SEMA5A: variants seen among roughly 807,000 people sequenced by gnomAD.
The protein encoded by SEMA5A is semaphorin 5A, also known as semaphorin-5A.
Under a neutral mutation model 135.5 loss-of-function variants are expected in SEMA5A, and 55 were observed. The ratio of observed to expected loss-of-function variants is 0.41; its 90% CI spans 0.33 to 0.51. SEMA5A has a LOEUF of 0.51. SEMA5A is among the 20% of genes least tolerant of loss of function. SEMA5A has a pLI of 0.37. For missense variants in SEMA5A, 1,290 were observed against 1,419.9 expected (o/e 0.91, Z 1.47); for synonymous variants, 580 against 546.5 (o/e 1.06, Z -0.85).
chr5:9,136,232 A>G (rs1741735237), intron 13 of SEMA5A, among the ~76,000 whole-genome samples: 1 of 152,118 alleles, frequency 6.6e-6, no homozygotes, highest in Admixed American at 6.5e-5. Context: ...AAAAAAATCC[A>G]AGAATAAAAC....
Position 9,036,119 on chromosome 5 carries a change from A to G in SEMA5A, c.*6778T>C, listed in dbSNP as rs1055539877. ...TTTGCTATGCACTTTTGAAGAATCCAACATTGGACCAAAAGTTTGTGCATT... is the reference window on the plus strand; with the variant it reads ...TTTGCTATGCACTTTTGAAGAATCCGACATTGGACCAAAAGTTTGTGCATT... On this transcript the variant is annotated 3_prime_UTR_variant, in exon 23 of 23. Transcript: ENST00000382496. 7 of 152,272 alleles carry G rather than the reference A, an allele frequency of 4.6e-5. No homozygotes were observed. Among genetic ancestry groups the G allele is most frequent in the African/African-American group, 1.4e-4 (6 of 41,566 alleles). 9.4% of individuals were successfully genotyped at this position (152,272 alleles called of 1,614,324 possible).
At chr5:9,187,766 C>A (rs1191283040) in intron 11 of SEMA5A, among the ~76,000 whole-genome samples, 2 of 152,202 alleles carry the variant, frequency 1.3e-5, no homozygotes, top group African/African-American at 4.8e-5. Flanking sequence ...CTGCGAAATG[C>A]ATTTGCCAAA....
At chr5:9,239,123 A>G (rs1306723898) in intron 5 of SEMA5A, among the ~76,000 whole-genome samples, 2 of 152,210 alleles carry the variant, frequency 1.3e-5, no homozygotes, top group African/African-American at 2.4e-5. Flanking sequence ...TGCATCTTGT[A>G]TAATTTATGT....
At chr5:9,320,069 T>C (rs1402677002) in intron 4 of SEMA5A, among the ~76,000 whole-genome samples, 1 of 152,124 alleles carries the variant, frequency 6.6e-6, no homozygotes, top group Non-Finnish European at 1.5e-5. Context: ...AGTCCAGGCA[T>C]TGCCTCCTGG....
intron 16 of SEMA5A, among the ~76,000 whole-genome samples, chr5:9,078,852 C>T (rs1306099017): frequency 2.0e-5 from 3 of 152,038 alleles, no homozygotes; most frequent in Non-Finnish European, 4.4e-5. Flanking sequence ...ATTTATATTG[C>T]ATTAAAAACT....
intron 1 of SEMA5A, among the ~76,000 whole-genome samples, chr5:9,489,267 TATAC>T (rs879590217): frequency 0.016 from 2,096 of 128,888 alleles, 34 homozygotes; most frequent in Middle Eastern, 0.045. Flanking sequence ...TATATATATA[TATAC>T]CTGCTCTCAG....
chr5:9,525,225 A>G (rs187775942), intron 1 of SEMA5A, among the ~76,000 whole-genome samples: 3 of 152,324 alleles, frequency 2.0e-5, no homozygotes, highest in South Asian at 4.1e-4. Context: ...ACAACAGCAG[A>G]ACTGAGTAGT....
chr5:9,110,759 T>C (rs921637562), intron 15 of SEMA5A, among the ~76,000 whole-genome samples: 9 of 152,176 alleles, frequency 5.9e-5, no homozygotes, highest in African/African-American at 1.7e-4. Context: ...ACTGAACAGT[T>C]ATCACTCTTC....
chr5:9,239,761 T>C (rs1363502150), intron 5 of SEMA5A, among the ~76,000 whole-genome samples: 2 of 152,032 alleles, frequency 1.3e-5, no homozygotes. Context: ...TGTTACACAA[T>C]TACTAGGAAA....
chr5:9,378,972 G>C (rs1012576500), intron 3 of SEMA5A, among the ~76,000 whole-genome samples: 6 of 152,036 alleles, frequency 3.9e-5, no homozygotes, highest in Non-Finnish European at 8.8e-5. Context: ...ATGGGTATGA[G>C]ATGAAGCATG....
chr5:9,232,574 A>C (rs1747690229), intron 6 of SEMA5A, among the ~76,000 whole-genome samples: 1 of 152,214 alleles, frequency 6.6e-6, no homozygotes, highest in African/African-American at 2.4e-5. Context: ...ATGCACATGC[A>C]AATCACAGAT....
intron 5 of SEMA5A, among the ~76,000 whole-genome samples, chr5:9,274,025 A>G (rs1260343874): frequency 3.3e-5 from 5 of 152,184 alleles, no homozygotes; most frequent in Admixed American, 2.6e-4. Flanking sequence ...AAATGCCCCA[A>G]TTAAAAGACA....
intron 8 of SEMA5A, among the ~76,000 whole-genome samples, chr5:9,214,307 G>A (rs1746500140): frequency 6.6e-6 from 1 of 152,190 alleles, no homozygotes; most frequent in Non-Finnish European, 1.5e-5. Context: ...CCAGAGCTCG[G>A]GCCAGGCCTG....
At chr5:9,230,973 T>C (rs1219562082) in intron 6 of SEMA5A, among the ~76,000 whole-genome samples, 1 of 152,224 alleles carries the variant, frequency 6.6e-6, no homozygotes, top group Non-Finnish European at 1.5e-5. Context: ...GGCATCCTCA[T>C]GTTTAATTCA....
intron 1 of SEMA5A, among the ~76,000 whole-genome samples, chr5:9,470,690 C>T (rs542641970): frequency 2.0e-5 from 3 of 152,272 alleles, no homozygotes; most frequent in Non-Finnish European, 4.4e-5. Context: ...GGACCATATG[C>T]CATGTTCTCT....
At chr5:9,502,647 C>T (rs1440911444) in intron 1 of SEMA5A, among the ~76,000 whole-genome samples, 1 of 152,168 alleles carries the variant, frequency 6.6e-6, no homozygotes, top group African/African-American at 2.4e-5. Flanking sequence ...TCACTTGGTA[C>T]TTGGCAGGCT....
At chr5:9,331,039 T>C (rs1457885182) in intron 4 of SEMA5A, among the ~76,000 whole-genome samples, 4 of 152,248 alleles carry the variant, frequency 2.6e-5, no homozygotes. Context: ...TCTGATTTCA[T>C]ACCGCTCAGC....
At chr5:9,096,668 G>T (rs1431784240) in intron 16 of SEMA5A, among the ~76,000 whole-genome samples, 1 of 151,272 alleles carries the variant, frequency 6.6e-6, no homozygotes, top group Non-Finnish European at 1.5e-5. Flanking sequence ...CAACCTACAT[G>T]TTGGGAAAAA....
rs1449149076 is a variant in SEMA5A at position 9,537,738 on chromosome 5, G to A, written c.-175+7846C>T. Among the ~76,000 whole-genome samples, 4 of 152,180 alleles carry A rather than the reference G, an allele frequency of 2.6e-5. No individual in the cohort carries two copies. In the East Asian group the frequency reaches 7.7e-4, roughly 29 times the overall value. On this transcript the variant is annotated intron_variant, in intron 1 of 22. Coordinates refer to ENST00000382496, the MANE Select transcript of SEMA5A (RefSeq NM_003966.3). ...CTATTGCACTAGGACTTAAAACGCT[G>A]TTGATCTCCATTTTTGTGAACAAGT...
Sources: gnomAD v4.1 joint callset for allele counts (sites outside exome capture counted in the v4.1 genomes callset) on GRCh38, gnomAD v4.1.1 for gene constraint, MANE v1.5 for transcripts, NCBI Gene and HGNC (gene_info 2026-07-23, HGNC 2026-07-21) for gene names.